The following PCBP3 variants were observed in gnomAD, a reference collection of about 807,000 sequenced individuals.
The protein encoded by PCBP3 is poly(rC)-binding protein 3.
Under a neutral mutation model 52.7 loss-of-function variants are expected in PCBP3, and 25 were observed. The ratio of observed to expected loss-of-function variants is 0.47; its 90% confidence interval spans 0.35 to 0.66. The LOEUF is 0.66. Among genes scored for constraint, PCBP3 ranks in the 30% least tolerant of loss-of-function variants. The pLI is 0.01. For synonymous variants in PCBP3, 162 were observed against 183.0 expected, an observed-to-expected ratio of 0.89 and a Z score of 0.93; for missense variants, 391 against 490.3, an observed-to-expected ratio of 0.80 and a Z score of 1.91.
At chr21:45,751,727 A>G (rs575228088) in intron 3 of PCBP3, 1 of 152,364 alleles carries the variant, frequency 6.6e-6, no homozygotes, top group East Asian at 1.9e-4. Context: ...TCCTTCAGTT[A>G]GACAGTTGCA....
At chr21:45,938,718 G>A (rs2077140228) in intron 16 of PCBP3, among the ~76,000 whole-genome samples, 1 of 152,174 alleles carries the variant, frequency 6.6e-6, no homozygotes, top group South Asian at 2.1e-4. Flanking sequence ...AGCAGCCCTG[G>A]ATTCTCCAGA....
intron 4 of PCBP3, among the ~76,000 whole-genome samples, chr21:45,781,680 A>C (rs915493748): frequency 2.0e-5 from 3 of 152,250 alleles, no homozygotes; most frequent in Non-Finnish European, 4.4e-5. Context: ...GAACAGGAAC[A>C]TCTGTAGCAA....
chr21:45,933,369 T>C (rs2076536568), intron 15 of PCBP3, among the ~76,000 whole-genome samples: 1 of 152,240 alleles, frequency 6.6e-6, no homozygotes, highest in African/African-American at 2.4e-5. Flanking sequence ...TGCAGACATT[T>C]CTTTATATTA....
At chr21:45,810,316 GGCAGTCTCAGTCTCCTGTGCTCAA>G (rs2147013672) in intron 4 of PCBP3, among the ~76,000 whole-genome samples, 1 of 151,848 alleles carries the variant, frequency 6.6e-6, no homozygotes, top group South Asian at 2.1e-4. Flanking sequence ...CTCAGCTCAC[GGCAGTCTCAGTCTCCTGTGCTCAA>G]GCAGTCTTCA....
chr21:45,846,644 A>G (rs756011513), intron 4 of PCBP3, among the ~76,000 whole-genome samples: 1 of 152,144 alleles, frequency 6.6e-6, no homozygotes, highest in African/African-American at 2.4e-5. Context: ...CCCAACATCT[A>G]TAGTTTCTGC....
At chr21:45,914,367 C>T (rs924676735) in intron 12 of PCBP3, 3 of 492,392 alleles carry the variant, frequency 6.1e-6, no homozygotes, top group Non-Finnish European at 1.1e-5. Context: ...TTACGTCTCA[C>T]GTTGGAAACA....
chr21:45,828,161 G>A (rs2093354812), intron 4 of PCBP3: 2 of 152,252 alleles, frequency 1.3e-5, no homozygotes, highest in Non-Finnish European at 2.9e-5. Flanking sequence ...GACTTCAGGG[G>A]GTGGGAAGTG....
intron 3 of PCBP3, among the ~76,000 whole-genome samples, chr21:45,740,239 C>T (rs1221028686): frequency 6.6e-6 from 1 of 152,220 alleles, no homozygotes; most frequent in African/African-American, 2.4e-5. Flanking sequence ...CAGGACAAGC[C>T]CACCCTCTTG....
rs769121677 is a variant in PCBP3, at chr21:45,910,973, G to A, written c.543G>A (p.Ser181=). ...CCACGGAGCGAGCGGTGACCATCTC[G>A]GGGACCCCAGATGCCATCATCCAGT... The part of the protein sequence containing the change: ...PNSTERAVTI[S]GTPDAIIQCV... The change falls in exon 11 of 18, where the codon TCG becomes TCA. Residue 181 remains serine (S), a synonymous_variant. Coordinates refer to ENST00000681687, the MANE Select transcript of PCBP3 (RefSeq NM_001384156.1). The A allele has an allele frequency of 3.2e-5, 51 of 1,612,118 alleles. 1 individual carries two copies. Among genetic ancestry groups the A allele is most frequent in the East Asian group, 4.5e-5 (2 of 44,872 alleles).
intron 5 of PCBP3, among the ~76,000 whole-genome samples, chr21:45,876,803 C>T (rs1452900272): frequency 6.6e-6 from 1 of 152,274 alleles, no homozygotes; most frequent in African/African-American, 2.4e-5. Flanking sequence ...GTCACATCCC[C>T]CAGACAGCTG....
chr21:45,824,760 T>C (rs1229102723), intron 4 of PCBP3, among the ~76,000 whole-genome samples: 3 of 152,212 alleles, frequency 2.0e-5, no homozygotes, highest in African/African-American at 7.2e-5. Flanking sequence ...CTCCCCACTG[T>C]GCATCCACCC....
intron 4 of PCBP3, among the ~76,000 whole-genome samples, chr21:45,820,321 T>TGGCCCCATG (rs2093094376): frequency 6.6e-6 from 1 of 152,280 alleles, no homozygotes. Context: ...TGCGCCTACC[T>TGGCCCCATG]GGCCCCATGG....
Position 45,788,424 on chromosome 21 carries a change from C to G in PCBP3, c.-126+32972C>G, listed in dbSNP as rs1300672035. 2.0e-5 allele frequency: 3 copies of G among 153,352 alleles called. No individual in the cohort carries two copies. Among genetic ancestry groups the G allele is most frequent in the African/African-American group, 7.2e-5 (3 of 41,448 alleles). The allele number at this position is 153,352 out of a possible 1,614,324, so 9.5% of individuals were successfully genotyped here. A position where few individuals can be genotyped will look rare whatever the true frequency, so the allele number is the denominator to read the frequency against. On this transcript the variant is annotated intron_variant, in intron 4 of 17. Coordinates refer to ENST00000681687, the MANE Select transcript of PCBP3 (RefSeq NM_001384156.1). The surrounding 1 kb of genome is among the most constrained non-coding windows in gnomAD (Gnocchi z 4.3). The stretch of plus-strand genomic sequence containing the variant: ...GGTGACCTGCCTGCCCGGCCCCGTT[C>G]TGTTCCAGATGATGGCTCACCTGTG...
At chr21:45,672,117 AG>A (rs1217239187) in intron 2 of PCBP3, among the ~76,000 whole-genome samples, 2 of 152,128 alleles carry the variant, frequency 1.3e-5, no homozygotes, top group African/African-American at 4.8e-5. Context: ...ATGTGTTATC[AG>A]GGGAGTGGAA....
At chr21:45,699,861 C>T (rs1698062557) in intron 2 of PCBP3, among the ~76,000 whole-genome samples, 1 of 152,176 alleles carries the variant, frequency 6.6e-6, no homozygotes, top group Admixed American at 6.5e-5. Context: ...AGTTTCGGGA[C>T]CTACAATTCA....
Position 45,904,615 on chromosome 21 carries a change from G to A in PCBP3, c.339+3502G>A, listed in dbSNP as rs965183612. Among the ~76,000 whole-genome samples the A allele has an allele frequency of 2.0e-5, 3 of 152,206 alleles. No homozygotes were observed. Among genetic ancestry groups the A allele is most frequent in the Non-Finnish European group, 4.4e-5 (3 of 68,032 alleles). On this transcript the variant is annotated intron_variant, in intron 9 of 17. Transcript: ENST00000681687. This position sits in a 1 kb window ranked among gnomAD's most constrained non-coding sequence, Gnocchi z 4.8. ...TGTAAAAGTTGGTATGCTTCAGGTT[G>A]GAAATGCAAAATCAAGGAATTTTTT...
chr21:45,654,338 AT>A (rs398036499), intron 1 of PCBP3, among the ~76,000 whole-genome samples: 17,677 of 108,928 alleles, frequency 0.16, 675 homozygotes, highest in African/African-American at 0.22. Flanking sequence ...TAGACATTGC[AT>A]TTTTTTTTTT....
intron 5 of PCBP3, among the ~76,000 whole-genome samples, chr21:45,868,289 C>T (rs1313856799): frequency 1.3e-5 from 2 of 152,188 alleles, no homozygotes; most frequent in Admixed American, 6.5e-5. Context: ...CCTCTGTCTG[C>T]GCGGTTTTCA....
chr21:45,940,786 A>T (rs1161551912), intron 17 of PCBP3, among the ~76,000 whole-genome samples: 1 of 144,556 alleles, frequency 6.9e-6, no homozygotes, highest in Admixed American at 6.9e-5. Context: ...CAGCCCCGCC[A>T]GGCACACTGT....
Sources: allele counts gnomAD v4.1 joint callset (sites outside exome capture counted in the v4.1 genomes callset), GRCh38; gene constraint gnomAD v4.1.1; non-coding constraint Gnocchi (gnomAD v3.1); transcripts MANE v1.5; gene names NCBI Gene and HGNC (gene_info 2026-07-23, HGNC 2026-07-21).